Variants in SHC3 observed in about 807,000 individuals in gnomAD.
SHC3 encodes the protein SHC-transforming protein 3.
Under a neutral mutation model 60.4 loss-of-function variants are expected in SHC3, and 15 were observed. That is an observed-to-expected ratio of 0.25 (90% CI 0.17 to 0.38). The LOEUF (loss-of-function observed/expected upper bound fraction) is 0.38. Ranked by LOEUF, SHC3 falls within the 10% of genes least tolerant of loss-of-function variation. The pLI is 1.00. For missense variants in SHC3, 677 were observed against 786.1 expected, an observed-to-expected ratio of 0.86 and a Z score of 1.66; for synonymous variants, 294 against 325.9, an observed-to-expected ratio of 0.90 and a Z score of 1.05.
rs1255591887 is a variant in SHC3, at chr9:89,009,630, CCT to C, written c.*3815_*3816del. The stretch of plus-strand genomic sequence containing the variant: ...AGGCTCAGAGAAATCCAGCAACCCG[CCT>C]GAGTCCACGCCGTTCTGGGTGTGCC... On this transcript the variant is annotated 3_prime_UTR_variant, in exon 12 of 12. Transcript: ENST00000375835. 7.2e-5 allele frequency: 11 copies of C among 152,264 alleles called. No individual in the cohort carries two copies. Among genetic ancestry groups the C allele is most frequent in the African/African-American group, 2.7e-4 (11 of 41,450 alleles). 9.4% of individuals were successfully genotyped at this position (152,264 alleles called of 1,614,324 possible).
intron 1 of SHC3, among the ~76,000 whole-genome samples, chr9:89,135,602 G>T (rs1452366390): frequency 6.6e-6 from 1 of 152,062 alleles, no homozygotes; most frequent in African/African-American, 2.4e-5. Flanking sequence ...TGGGATAATA[G>T]AGAGAGAGAA....
intron 11 of SHC3, among the ~76,000 whole-genome samples, chr9:89,023,213 T>C (rs1826234482): frequency 6.6e-6 from 1 of 152,198 alleles, no homozygotes; most frequent in Non-Finnish European, 1.5e-5. Flanking sequence ...CAGCCCAGAA[T>C]AAACTCTGAG....
chr9:89,060,387 A>G (rs550122534), intron 6 of SHC3, among the ~76,000 whole-genome samples: 2 of 152,018 alleles, frequency 1.3e-5, no homozygotes, highest in South Asian at 4.1e-4. Flanking sequence ...GATATGCTGG[A>G]AGATGCTTGG....
At chr9:89,047,850 T>C (rs1445236386) in intron 7 of SHC3, among the ~76,000 whole-genome samples, 1 of 152,206 alleles carries the variant, frequency 6.6e-6, no homozygotes, top group Non-Finnish European at 1.5e-5. Context: ...AGCATAACCA[T>C]ATGACCACAG....
chr9:89,021,289 T>C (rs1183982567), intron 11 of SHC3, among the ~76,000 whole-genome samples: 1 of 152,226 alleles, frequency 6.6e-6, no homozygotes, highest in African/African-American at 2.4e-5. Context: ...CCTTGGGAAC[T>C]GTGCCATCTC....
chr9:89,050,734 G>T (rs1393670652), intron 7 of SHC3, among the ~76,000 whole-genome samples: 1 of 151,904 alleles, frequency 6.6e-6, no homozygotes, highest in Non-Finnish European at 1.5e-5. Context: ...GATTTATGCT[G>T]GTAGTACATG....
intron 7 of SHC3, among the ~76,000 whole-genome samples, chr9:89,048,786 A>G (rs1824813990): frequency 6.6e-6 from 1 of 152,194 alleles, no homozygotes; most frequent in South Asian, 2.1e-4. Context: ...CCCAGGCTGC[A>G]CCCTGCTGGA....
chr9:89,163,395 C>T (rs1826739891), intron 1 of SHC3, among the ~76,000 whole-genome samples: 1 of 151,870 alleles, frequency 6.6e-6, no homozygotes, highest in Admixed American at 6.6e-5. Context: ...ACATATACAC[C>T]ATGGAATACT....
At chr9:89,169,342 A>G (rs1826836332) in intron 1 of SHC3, among the ~76,000 whole-genome samples, 1 of 152,168 alleles carries the variant, frequency 6.6e-6, no homozygotes, top group African/African-American at 2.4e-5. Flanking sequence ...GTCTGAGCAC[A>G]TAACGGGACC....
At chr9:89,023,558 G>A (rs1037174632) in intron 11 of SHC3, among the ~76,000 whole-genome samples, 3 of 152,180 alleles carry the variant, frequency 2.0e-5, no homozygotes, top group African/African-American at 7.2e-5. Flanking sequence ...TGCTTGGCTT[G>A]GGGGAGGTGG....
At chr9:89,117,477 T>G (rs1826034896) in intron 1 of SHC3, among the ~76,000 whole-genome samples, 1 of 152,240 alleles carries the variant, frequency 6.6e-6, no homozygotes, top group Non-Finnish European at 1.5e-5. Flanking sequence ...TGCCCAGTTT[T>G]CAATTCAGTT....
intron 11 of SHC3, among the ~76,000 whole-genome samples, chr9:89,035,852 TGTGTGTGTG>T (rs1824566558): frequency 1.2e-5 from 1 of 82,122 alleles, no homozygotes; most frequent in South Asian, 3.7e-4. Flanking sequence ...TATATATAGA[TGTGTGTGTG>T]TGTGTGTGTG....
At chr9:89,025,671 A>C (rs1463034263) in intron 11 of SHC3, among the ~76,000 whole-genome samples, 1 of 152,198 alleles carries the variant, frequency 6.6e-6, no homozygotes, top group African/African-American at 2.4e-5. Context: ...GTAACATTTA[A>C]ACAGAGACCT....
At chr9:89,045,054 C>T (rs1824749649) in intron 9 of SHC3, among the ~76,000 whole-genome samples, 1 of 152,106 alleles carries the variant, frequency 6.6e-6, no homozygotes, top group African/African-American at 2.4e-5. Context: ...GTCACGGGGG[C>T]TCAACCTCCA....
chr9:89,124,854 T>TAA (rs751551345), intron 1 of SHC3, among the ~76,000 whole-genome samples: 9 of 139,796 alleles, frequency 6.4e-5, no homozygotes, highest in African/African-American at 2.4e-4. Context: ...TAAAGTAAAA[T>TAA]AAAAAAAAAA....
chr9:89,161,164 G>T (rs1211034945), intron 1 of SHC3, among the ~76,000 whole-genome samples: 1 of 152,208 alleles, frequency 6.6e-6, no homozygotes. Context: ...CATGTTGGAG[G>T]TGGGGCCTCG....
rs768330722 is a variant in SHC3, at chr9:89,052,039, A to G, written c.960T>C (p.Asp320=). Residue 320 remains aspartate, a splice_region_variant and synonymous_variant, in exon 7 of 12, where the codon GAT becomes GAC. Coordinates refer to ENST00000375835, the MANE Select transcript of SHC3 (RefSeq NM_016848.6). ...AATGGTGTCACAGCACTACTCACCG[A>G]TCATGGAGAGCGGGAATCTTGGTAG... The part of the protein sequence containing the change: ...QCPTKIPALH[D]RMQSLDEPWT... The G allele has an allele frequency of 4.8e-5, 77 of 1,613,618 alleles. 1 individual carries two copies. Among genetic ancestry groups the G allele is most frequent in the Non-Finnish European group, 6.4e-5 (75 of 1,179,740 alleles).
intron 1 of SHC3, among the ~76,000 whole-genome samples, chr9:89,122,964 G>A (rs1040699859): frequency 2.0e-5 from 3 of 152,240 alleles, no homozygotes; most frequent in Non-Finnish European, 4.4e-5. Context: ...CAGGAGGCAA[G>A]GCTCAAATCT....
chr9:89,020,501 G>A (rs147361549), intron 11 of SHC3, among the ~76,000 whole-genome samples: 1,664 of 152,236 alleles, frequency 0.011, 10 homozygotes, highest in Non-Finnish European at 0.015. Flanking sequence ...TCCTCCTCTG[G>A]CTGTGACGTA....
Sources: allele counts gnomAD v4.1 joint callset (sites outside exome capture counted in the v4.1 genomes callset), GRCh38; gene constraint gnomAD v4.1.1; transcripts MANE v1.5; gene names NCBI Gene and HGNC (gene_info 2026-07-23, HGNC 2026-07-21).